Variants in WDFY4 observed in about 807,000 individuals in gnomAD.
WDFY4 encodes the protein WD repeat- and FYVE domain-containing protein 4.
WDFY4 carries 169 observed loss-of-function variants against 351.9 expected under a neutral mutation model. The observed-to-expected ratio is 0.48, with a 90% CI of 0.42 to 0.55. The LOEUF (loss-of-function observed/expected upper bound fraction) is 0.55. Among genes scored for constraint, WDFY4 ranks in the 20% least tolerant of loss-of-function variants. The pLI is 0.00. For missense variants in WDFY4, 3,803 were observed against 3,935.6 expected, an observed-to-expected ratio of 0.97 and a Z score of 0.90; for synonymous variants, 1,622 against 1,574.6, an observed-to-expected ratio of 1.03 and a Z score of -0.71.
chr10:48,790,918 G>C lies in WDFY4; in HGVS notation c.4257+1G>C. On this transcript the variant is annotated splice_donor_variant, in intron 23 of 61. Coordinates refer to ENST00000325239, the MANE Select transcript of WDFY4 (RefSeq NM_001394531.1). LOFTEE classifies it high-confidence loss of function. ...GATGCAACACATCTGTGGGTACCAGGTAATCCCATCCTCCCACCTGGAACT... is the reference window on the plus strand; with the variant it reads ...GATGCAACACATCTGTGGGTACCAGCTAATCCCATCCTCCCACCTGGAACT... The C allele has an allele frequency of 6.4e-7, 1 of 1,551,682 alleles. No homozygotes were observed. Among genetic ancestry groups the C allele is most frequent in the Non-Finnish European group, 8.7e-7 (1 of 1,146,958 alleles).
intron 12 of WDFY4, among the ~76,000 whole-genome samples, chr10:48,756,337 A>G (rs2065335183): frequency 6.6e-6 from 1 of 152,028 alleles, no homozygotes; most frequent in Non-Finnish European, 1.5e-5. Context: ...ATTTAGGAAT[A>G]TGGTTAACTT....
At chr10:48,785,835 C>T (rs1207616764) in intron 19 of WDFY4, among the ~76,000 whole-genome samples, 1 of 152,122 alleles carries the variant, frequency 6.6e-6, no homozygotes, top group African/African-American at 2.4e-5. Flanking sequence ...TTCCCATATA[C>T]ATTTTAGAAT....
chr10:48,838,167 C>G (rs1404336814), intron 39 of WDFY4, among the ~76,000 whole-genome samples: 2 of 152,156 alleles, frequency 1.3e-5, no homozygotes, highest in African/African-American at 4.8e-5. Context: ...CTAAAAAAAG[C>G]AAAAGCTTTC....
chr10:48,756,219 C>T (rs1281209452), intron 12 of WDFY4, among the ~76,000 whole-genome samples: 4 of 151,994 alleles, frequency 2.6e-5, no homozygotes, highest in Admixed American at 2.6e-4. Context: ...CTGTCATATT[C>T]AGTGTAGGGC....
intron 13 of WDFY4, among the ~76,000 whole-genome samples, chr10:48,767,143 C>T (rs996690599): frequency 1.3e-5 from 2 of 152,212 alleles, no homozygotes; most frequent in Non-Finnish European, 2.9e-5. Flanking sequence ...GTTGGCATGG[C>T]AGAGCGGCCA....
intron 51 of WDFY4, among the ~76,000 whole-genome samples, chr10:48,952,686 G>A (rs1400642299): frequency 2.0e-5 from 3 of 152,086 alleles, no homozygotes; most frequent in Non-Finnish European, 4.4e-5. Context: ...TCCTAATGCA[G>A]GCAGCGTGGT....
chr10:48,738,966 C>A (rs142711964), intron 11 of WDFY4, among the ~76,000 whole-genome samples: 2 of 152,336 alleles, frequency 1.3e-5, no homozygotes, highest in African/African-American at 4.8e-5. Context: ...CATACCAACA[C>A]TGAAGAACAT....
chr10:48,797,754 C>CTTAGAAATTTTAAAATTTCTAAGAA (rs1356136770), intron 24 of WDFY4, among the ~76,000 whole-genome samples: 1 of 152,120 alleles, frequency 6.6e-6, no homozygotes, highest in Admixed American at 6.5e-5. Flanking sequence ...ATATTTCTCT[C>CTTAGAAATTTTAAAATTTCTAAGAA]ACTTTTAAAA....
chr10:48,840,640 G>C (rs1404695101), intron 39 of WDFY4, among the ~76,000 whole-genome samples: 1 of 152,174 alleles, frequency 6.6e-6, no homozygotes, highest in African/African-American at 2.4e-5. Flanking sequence ...CAGAAACTCA[G>C]CAGCAGAACT....
intron 43 of WDFY4, among the ~76,000 whole-genome samples, chr10:48,884,945 T>C (rs1226758412): frequency 6.6e-6 from 1 of 152,262 alleles, no homozygotes; most frequent in Admixed American, 6.5e-5. Context: ...AGGCATGTCT[T>C]ATTTTCCTTT....
intron 25 of WDFY4, chr10:48,804,781 G>A: frequency 1.0e-6 from 1 of 977,096 alleles, no homozygotes; most frequent in Non-Finnish European, 1.2e-6. Context: ...GAGGGAGGGG[G>A]TATGGATAGG....
chr10:48,977,822 G>A (rs1365379526), intron 59 of WDFY4, among the ~76,000 whole-genome samples: 1 of 152,244 alleles, frequency 6.6e-6, no homozygotes, highest in Non-Finnish European at 1.5e-5. Context: ...GCCCTTTGGT[G>A]ATATAAAATC....
At chr10:48,847,857 A>G (rs893317090) in intron 39 of WDFY4, among the ~76,000 whole-genome samples, 4 of 152,322 alleles carry the variant, frequency 2.6e-5, no homozygotes, top group African/African-American at 7.2e-5. Context: ...CAAATTAGAA[A>G]CCACCGTTCA....
chr10:48,716,053 A>G (rs1412441434), intron 2 of WDFY4, among the ~76,000 whole-genome samples: 1 of 151,898 alleles, frequency 6.6e-6, no homozygotes, highest in African/African-American at 2.4e-5. Context: ...GACCTGCAAC[A>G]TGGTTTATTC....
Position 48,908,056 on chromosome 10 carries a change from G to A in WDFY4, c.7586+6193G>A, listed in dbSNP as rs373124555. 9.9e-4 allele frequency among the ~76,000 whole-genome samples: 151 copies of A among 152,314 alleles called. No homozygotes were observed. In the South Asian group the frequency reaches 0.016, roughly 16 times the overall value. Reference sequence around the variant, plus strand: ...CCTAGGTCATGCTCAGACCTTGGCCGTGGCCCCATTCCATGTTCATCTTTG... The same window carrying A: ...CCTAGGTCATGCTCAGACCTTGGCCATGGCCCCATTCCATGTTCATCTTTG... On this transcript the variant is annotated intron_variant, in intron 47 of 61. Transcript: ENST00000325239.
At chr10:48,963,787 G>C in intron 53 of WDFY4, 55 bp from the exon 54 acceptor site, 3 of 1,511,776 alleles carry the variant, frequency 2.0e-6, no homozygotes, top group Non-Finnish European at 2.7e-6. Flanking sequence ...TGTGCAGCGA[G>C]TGCATGAGTC....
intron 51 of WDFY4, among the ~76,000 whole-genome samples, chr10:48,951,269 AGCAGGTGGCACAT>A (rs1373094338): frequency 6.6e-6 from 1 of 152,146 alleles, no homozygotes; most frequent in African/African-American, 2.4e-5. Context: ...GTGTGATCTG[AGCAGGTGGCACAT>A]GCAGGCAGTG....
chr10:48,877,791 C>T (rs1023089955), intron 43 of WDFY4, among the ~76,000 whole-genome samples: 2 of 152,120 alleles, frequency 1.3e-5, no homozygotes, highest in African/African-American at 2.4e-5. Flanking sequence ...AACCCGGGGT[C>T]CTGGGTGCCT....
chr10:48,834,044 G>C (rs149046884), intron 39 of WDFY4, among the ~76,000 whole-genome samples: 50 of 152,340 alleles, frequency 3.3e-4, no homozygotes, highest in African/African-American at 1.2e-3. Context: ...GTCCAGAAAT[G>C]AATGGCTGGG....
Sources: allele counts gnomAD v4.1 joint callset (sites outside exome capture counted in the v4.1 genomes callset), GRCh38; gene constraint gnomAD v4.1.1; transcripts MANE v1.5; gene names NCBI Gene and HGNC (gene_info 2026-07-23, HGNC 2026-07-21).